Variants in ANKS1B observed in about 807,000 individuals in gnomAD.
ANKS1B encodes ankyrin repeat and sterile alpha motif domain containing 1B, also known as ankyrin repeat and sterile alpha motif domain-containing protein 1B.
ANKS1B carries 36 observed loss-of-function variants against 148.3 expected under a neutral mutation model. The observed-to-expected ratio is 0.24, with a 90% confidence interval of 0.19 to 0.32. The LOEUF is 0.32. ANKS1B is among the 10% of genes least tolerant of loss of function. The pLI is 1.00. For missense variants in ANKS1B, 1,157 were observed against 1,542.6 expected (o/e 0.75, Z 4.19); for synonymous variants, 542 against 560.8 (o/e 0.97, Z 0.47).
At chr12:99,970,222 C>T (rs1197168830) in intron 1 of ANKS1B, among the ~76,000 whole-genome samples, 4 of 152,064 alleles carry the variant, frequency 2.6e-5, no homozygotes, top group African/African-American at 7.2e-5. Flanking sequence ...CAGGAAATAA[C>T]ACGTTTAACA....
intron 10 of ANKS1B, among the ~76,000 whole-genome samples, chr12:99,463,384 C>A (rs1249150306): frequency 6.6e-6 from 1 of 152,220 alleles, no homozygotes; most frequent in Admixed American, 6.5e-5. Flanking sequence ...GTGATTTCTG[C>A]ATTTCCATCT....
intron 8 of ANKS1B, among the ~76,000 whole-genome samples, chr12:99,657,659 A>ATATATT (rs66516058): frequency 1.5e-4 from 22 of 146,840 alleles, no homozygotes; most frequent in African/African-American, 4.6e-4. Flanking sequence ...ATATATATAT[A>ATATATT]TGATAAAGTT....
intron 12 of ANKS1B, among the ~76,000 whole-genome samples, chr12:99,357,258 A>G (rs1376725239): frequency 6.6e-6 from 1 of 151,988 alleles, no homozygotes; most frequent in Non-Finnish European, 1.5e-5. Flanking sequence ...CATTTTTTTC[A>G]TGACTAAATA....
At chr12:99,065,982 G>A (rs1261118407) in intron 16 of ANKS1B, among the ~76,000 whole-genome samples, 5 of 152,084 alleles carry the variant, frequency 3.3e-5, no homozygotes, top group Admixed American at 3.3e-4. Context: ...GTGGTTAGGG[G>A]AAGTTTCATT....
At chr12:98,844,609 A>G (rs750081506) in intron 17 of ANKS1B, among the ~76,000 whole-genome samples, 6 of 152,178 alleles carry the variant, frequency 3.9e-5, no homozygotes, top group Admixed American at 6.5e-5. Flanking sequence ...CCAATAAAGC[A>G]CTTGATGAAG....
At chr12:99,974,129 A>G (rs766964368) in intron 1 of ANKS1B, among the ~76,000 whole-genome samples, 17 of 152,254 alleles carry the variant, frequency 1.1e-4, no homozygotes, top group Middle Eastern at 3.2e-3. Context: ...ATCAGTCACC[A>G]GCCAACAACA....
intron 1 of ANKS1B, among the ~76,000 whole-genome samples, chr12:99,913,219 G>A (rs2094061415): frequency 6.6e-6 from 1 of 152,044 alleles, no homozygotes; most frequent in African/African-American, 2.4e-5. Context: ...TTGATATTCT[G>A]CCTTATAAAC....
In ANKS1B at chr12:99,172,890, T is replaced by C. The variant is rs1566548763; in HGVS notation, c.2420-18495A>G. Among the ~76,000 whole-genome samples the C allele has an allele frequency of 2.0e-5, 3 of 152,230 alleles. No homozygotes were observed. In the South Asian group the frequency reaches 6.2e-4, roughly 32 times the overall value. Reference sequence around the variant, plus strand: ...TAAATATTAGCTATAACAATAAATATTGACTATATATTATTAGCTATAATA... The same window carrying C: ...TAAATATTAGCTATAACAATAAATACTGACTATATATTATTAGCTATAATA... On this transcript the variant is annotated intron_variant, in intron 14 of 26. Coordinates refer to ENST00000683438, the MANE Select transcript of ANKS1B (RefSeq NM_001352186.2).
At chr12:99,181,742 G>A (rs61940187) in intron 14 of ANKS1B, among the ~76,000 whole-genome samples, 21,040 of 151,820 alleles carry the variant, frequency 0.14, 1,569 homozygotes, top group South Asian at 0.24. Context: ...TAATGATCAC[G>A]TCAGAATAAA....
At chr12:99,140,588 A>C (rs1449269867) in intron 15 of ANKS1B, among the ~76,000 whole-genome samples, 2 of 152,166 alleles carry the variant, frequency 1.3e-5, no homozygotes, top group Non-Finnish European at 2.9e-5. Flanking sequence ...CTAATTCTTA[A>C]TAAAACCTTG....
At chr12:99,950,418 C>T (rs1369543632) in intron 1 of ANKS1B, among the ~76,000 whole-genome samples, 1 of 151,998 alleles carries the variant, frequency 6.6e-6, no homozygotes, top group Non-Finnish European at 1.5e-5. Flanking sequence ...CCTCCCCACT[C>T]TCCTTCCCCA....
intron 17 of ANKS1B, among the ~76,000 whole-genome samples, chr12:98,986,314 T>G (rs1037088180): frequency 6.6e-6 from 1 of 152,172 alleles, no homozygotes; most frequent in African/African-American, 2.4e-5. Flanking sequence ...TTTCTCTCTC[T>G]TTCCTTTTTC....
At chr12:99,120,170 A>G (rs1415591740) in intron 15 of ANKS1B, among the ~76,000 whole-genome samples, 1 of 152,178 alleles carries the variant, frequency 6.6e-6, no homozygotes, top group African/African-American at 2.4e-5. Flanking sequence ...AGACTTGCCA[A>G]TTCACCTAGC....
chr12:99,946,263 C>A (rs1464674308), intron 1 of ANKS1B, among the ~76,000 whole-genome samples: 1 of 152,166 alleles, frequency 6.6e-6, no homozygotes, highest in East Asian at 1.9e-4. Flanking sequence ...CCATTCTTGG[C>A]TAGATCAGTG....
At chr12:99,322,268 A>G (rs2152176292) in intron 12 of ANKS1B, among the ~76,000 whole-genome samples, 1 of 152,082 alleles carries the variant, frequency 6.6e-6, no homozygotes, top group African/African-American at 2.4e-5. Flanking sequence ...AAAACCAAAC[A>G]CTGTATGTTC....
At chr12:99,758,310 T>C (rs923772030) in intron 8 of ANKS1B, among the ~76,000 whole-genome samples, 1 of 151,912 alleles carries the variant, frequency 6.6e-6, no homozygotes, top group African/African-American at 2.4e-5. Context: ...TAGGAAACAG[T>C]GAGAGACTAA....
intron 1 of ANKS1B, among the ~76,000 whole-genome samples, chr12:99,890,218 T>G (rs1039699739): frequency 6.6e-6 from 1 of 152,210 alleles, no homozygotes; most frequent in Non-Finnish European, 1.5e-5. Context: ...ATAGCCTCCA[T>G]GTTGCTGTGA....
intron 17 of ANKS1B, among the ~76,000 whole-genome samples, chr12:98,897,611 A>G (rs1405563527): frequency 6.6e-6 from 1 of 152,188 alleles, no homozygotes; most frequent in East Asian, 1.9e-4. Flanking sequence ...CTTATACACA[A>G]TTGGTGGGAA....
chr12:99,162,812 CA>C (rs1480730199), intron 14 of ANKS1B, among the ~76,000 whole-genome samples: 1 of 152,166 alleles, frequency 6.6e-6, no homozygotes, highest in Non-Finnish European at 1.5e-5. Flanking sequence ...CTAATCTCAG[CA>C]CTCTGGGAGG....
Sources: allele counts gnomAD v4.1 joint callset (sites outside exome capture counted in the v4.1 genomes callset), GRCh38; gene constraint gnomAD v4.1.1; transcripts MANE v1.5; gene names NCBI Gene and HGNC (gene_info 2026-07-23, HGNC 2026-07-21).